MEF2A: variants seen among roughly 807,000 people sequenced by gnomAD.
MEF2A encodes the protein myocyte-specific enhancer factor 2A.
MEF2A carries 28 observed loss-of-function variants against 55.8 expected under a neutral mutation model. The observed-to-expected ratio is 0.50, with a 90% confidence interval of 0.37 to 0.69. MEF2A has a LOEUF of 0.69. MEF2A is among the 30% of genes least tolerant of loss of function. The pLI, the probability that MEF2A is intolerant of heterozygous loss-of-function variation, is 0.00. For missense variants in MEF2A, 528 were observed against 626.2 expected, an observed-to-expected ratio of 0.84 and a Z score of 1.67; for synonymous variants, 239 against 227.1, an observed-to-expected ratio of 1.05 and a Z score of -0.47.
At position 99,570,577 on chromosome 15, in the gene MEF2A, C is replaced by T. The variant is rs541790512; in HGVS notation, c.-225+4473C>T. ...CCAGCAGCATGCATGTGCAGGTTGA[C>T]GTGGATTCATTTGAGGCATGATTTG... On this transcript the variant is annotated intron_variant, in intron 1 of 11. Coordinates refer to ENST00000557942, the MANE Select transcript of MEF2A (RefSeq NM_001319206.4). 2.4e-3 allele frequency among the ~76,000 whole-genome samples: 369 copies of T among 152,198 alleles called. 1 individual carries two copies. The highest frequency in any genetic ancestry group is 4.5e-3 in the Non-Finnish European group (307 of 67,998).
intron 3 of MEF2A, among the ~76,000 whole-genome samples, chr15:99,642,127 G>C (rs1023511210): frequency 2.6e-5 from 4 of 152,062 alleles, no homozygotes. Flanking sequence ...TAGGTCTAAC[G>C]TTCTAGGTAT....
intron 2 of MEF2A, among the ~76,000 whole-genome samples, chr15:99,605,524 A>G (rs1974750941): frequency 6.6e-6 from 1 of 152,260 alleles, no homozygotes; most frequent in South Asian, 2.1e-4. Flanking sequence ...AGATTTGTTC[A>G]ACACATTTAC....
chr15:99,699,890 G>A (rs1336138688), intron 8 of MEF2A, among the ~76,000 whole-genome samples: 1 of 151,856 alleles, frequency 6.6e-6, no homozygotes, highest in Non-Finnish European at 1.5e-5. Flanking sequence ...GGGGGTTGGG[G>A]GTGGGGTCTA....
chr15:99,566,471 C>T (rs989608818), intron 1 of MEF2A: 1 of 141,934 alleles, frequency 7.0e-6, no homozygotes, highest in Non-Finnish European at 1.5e-5. Flanking sequence ...CTGGGCGGGC[C>T]GAGGGGAGCT....
In MEF2A at chr15:99,696,066, CTG is replaced by C. The variant is rs1486392252; in HGVS notation, c.858+5640_858+5641del. On this transcript the variant is annotated intron_variant, in intron 8 of 11. Coordinates refer to ENST00000557942, the MANE Select transcript of MEF2A (RefSeq NM_001319206.4). ...ACATAGTCCACTTTCCAAGAAATAA[CTG>C]TCTTTAATGTGTATGCACCTAACAG... Among the ~76,000 whole-genome samples the C allele has an allele frequency of 7.9e-5, 12 of 152,340 alleles. No individual in the cohort carries two copies. In the South Asian group the frequency reaches 2.5e-3, roughly 32 times the overall value.
At chr15:99,684,816 T>A (rs1398556621) in intron 7 of MEF2A, among the ~76,000 whole-genome samples, 2 of 152,240 alleles carry the variant, frequency 1.3e-5, no homozygotes, top group Admixed American at 1.3e-4. Context: ...AGAATTTTTG[T>A]GATTTCAGGT....
chr15:99,634,608 G>A (rs771579653), intron 3 of MEF2A, among the ~76,000 whole-genome samples: 2 of 152,116 alleles, frequency 1.3e-5, no homozygotes, highest in Non-Finnish European at 2.9e-5. Context: ...TGTTTAAATT[G>A]GACATAGCTA....
chr15:99,706,707 T>C, intron 9 of MEF2A, 22 bp from the exon 10 acceptor site: 4 of 1,610,064 alleles, frequency 2.5e-6, no homozygotes, highest in Non-Finnish European at 3.4e-6. Flanking sequence ...CAGAACACAT[T>C]TTCTCTTTTT....
chr15:99,580,794 A>G lies in MEF2A; in HGVS notation c.-225+14690A>G, dbSNP rs1169363620. 3.3e-5 allele frequency among the ~76,000 whole-genome samples: 5 copies of G among 152,288 alleles called. No individual in the cohort carries two copies. The South Asian group carries it at 8.3e-4, about 25-fold the overall frequency. On this transcript the variant is annotated intron_variant, in intron 1 of 11. Transcript: ENST00000557942. ...TGAAAAGGTAACTTCTAAACTTGTG[A>G]ATTGGTTTGGTAGATGTTAGCTTTT...
At chr15:99,598,313 A>G (rs1334436807) in intron 1 of MEF2A, 117 bp from the exon 2 acceptor site, 3 of 152,184 alleles carry the variant, frequency 2.0e-5, no homozygotes, top group Non-Finnish European at 4.4e-5. Context: ...ATTTAACAGT[A>G]TTTGTGGAGC....
intron 1 of MEF2A, among the ~76,000 whole-genome samples, chr15:99,597,910 TC>T (rs1257642196): frequency 4.6e-5 from 7 of 152,204 alleles, no homozygotes; most frequent in African/African-American, 9.6e-5. Flanking sequence ...ATTTCATTGT[TC>T]CCTTTAAAAT....
Position 99,716,403 on chromosome 15 carries a change from C to A in MEF2A, c.*3632C>A. 2.5e-6 allele frequency: 1 copy of A among 408,098 alleles called. No individual in the cohort carries two copies. Among genetic ancestry groups the A allele is most frequent in the Non-Finnish European group, 5.0e-6 (1 of 198,976 alleles). The allele number at this position is 408,098 out of a possible 1,614,324, so 25.3% of individuals were successfully genotyped here. On this transcript the variant is annotated 3_prime_UTR_variant, in exon 12 of 12. Transcript: ENST00000557942. ...ATAAATATAATAGTGAACTTTTTAT[C>A]AAATGGTGAAGACAATGCTAAAGGT...
chr15:99,636,836 T>A (rs372796309), intron 3 of MEF2A, among the ~76,000 whole-genome samples: 2 of 152,332 alleles, frequency 1.3e-5, no homozygotes, highest in African/African-American at 4.8e-5. Context: ...TTAGACCTGT[T>A]ATCCATTTGG....
chr15:99,613,166 G>A (rs1048651071), intron 2 of MEF2A, among the ~76,000 whole-genome samples: 1 of 152,170 alleles, frequency 6.6e-6, no homozygotes, highest in Non-Finnish European at 1.5e-5. Context: ...GTACATCATC[G>A]TAATCTGTGG....
intron 1 of MEF2A, among the ~76,000 whole-genome samples, chr15:99,584,363 T>C (rs1317860496): frequency 6.6e-6 from 1 of 152,170 alleles, no homozygotes; most frequent in East Asian, 1.9e-4. Flanking sequence ...CATAGATTCA[T>C]GTGAAAACTT....
At position 99,712,492 on chromosome 15, in the gene MEF2A, C is replaced by T. The variant is rs1357688699; in HGVS notation, c.1239C>T (p.Thr413=). The T allele has an allele frequency of 1.3e-6, 2 of 1,549,936 alleles. No homozygotes were observed. Among genetic ancestry groups the T allele is most frequent in the East Asian group, 2.5e-5 (1 of 40,790 alleles). Reference sequence around the variant, plus strand: ...TTTCACCTCCTCGGGATCGTATGACCCCATCGGGCTTCCAGCAGCAGCAGC... The same window carrying T: ...TTTCACCTCCTCGGGATCGTATGACTCCATCGGGCTTCCAGCAGCAGCAGC... ...EPISPPRDRM[T]PSGFQQQQQQ... is the part of the protein sequence containing the mutation. Residue 413 remains threonine, a synonymous_variant, in exon 12 of 12, where the codon ACC becomes ACT. Transcript: ENST00000557942. The surrounding 1 kb of genome is among the most constrained non-coding windows in gnomAD (Gnocchi z 4.1).
At chr15:99,578,812 A>G (rs1219973565) in intron 1 of MEF2A, among the ~76,000 whole-genome samples, 2 of 152,230 alleles carry the variant, frequency 1.3e-5, no homozygotes, top group Non-Finnish European at 2.9e-5. Context: ...CTGACACAGT[A>G]AAAGAAAGGA....
At chr15:99,687,025 C>T (rs983773438) in intron 7 of MEF2A, among the ~76,000 whole-genome samples, 5 of 146,752 alleles carry the variant, frequency 3.4e-5, no homozygotes, top group East Asian at 4.0e-4. Flanking sequence ...CCTGGGCTCA[C>T]CTCAGCCTCC....
At chr15:99,607,176 A>G (rs1342505929) in intron 2 of MEF2A, among the ~76,000 whole-genome samples, 1 of 152,166 alleles carries the variant, frequency 6.6e-6, no homozygotes, top group Non-Finnish European at 1.5e-5. Context: ...AATAACAGCA[A>G]CAACAACCAC....
Sources: gnomAD v4.1 joint callset for allele counts (sites outside exome capture counted in the v4.1 genomes callset) on GRCh38, gnomAD v4.1.1 for gene constraint, Gnocchi (gnomAD v3.1) non-coding constraint, MANE v1.5 for transcripts, NCBI Gene and HGNC (gene_info 2026-07-23, HGNC 2026-07-21) for gene names.